WDR47: variants seen among roughly 807,000 people sequenced by gnomAD.
WDR47 encodes WD repeat domain 47.
In WDR47, 32 loss-of-function variants were observed where a neutral mutation model predicts 97.2. That is an observed-to-expected ratio of 0.33 (90% CI 0.25 to 0.44). The LOEUF (loss-of-function observed/expected upper bound fraction) is 0.44, where lower values mean the gene tolerates loss of function less well. Among genes scored for constraint, WDR47 ranks in the 20% least tolerant of loss-of-function variants. The probability of loss-of-function intolerance (pLI) is 1.00; values close to 1 mark genes in which losing one functional copy is unlikely to be tolerated. For synonymous variants in WDR47, 375 were observed against 373.5 expected (o/e 1.00, Z -0.05); for missense variants, 782 against 1,102.3 (o/e 0.71, Z 4.11).
intron 1 of WDR47, among the ~76,000 whole-genome samples, chr1:109,037,452 C>G (rs1363458818): frequency 6.6e-6 from 1 of 151,796 alleles, no homozygotes; most frequent in African/African-American, 2.4e-5. Context: ...CAGTGAAACC[C>G]TGTCTCTACT....
At chr1:109,027,319 G>C (rs1359525874) in intron 1 of WDR47, among the ~76,000 whole-genome samples, 1 of 151,694 alleles carries the variant, frequency 6.6e-6, no homozygotes, top group Non-Finnish European at 1.5e-5. Flanking sequence ...GCCTCCCAAA[G>C]TGCTGGGATT....
chr1:109,017,384 CAG>C (rs1256877612), intron 3 of WDR47, 132 bp downstream of exon 3: 5 of 727,112 alleles, frequency 6.9e-6, no homozygotes, highest in South Asian at 1.6e-5. Flanking sequence ...GCTTGGGTGA[CAG>C]AGAGAGATCA....
At chr1:109,010,736 C>T (rs1660980353) in intron 5 of WDR47, among the ~76,000 whole-genome samples, 180 bp downstream of exon 5, 1 of 152,010 alleles carries the variant, frequency 6.6e-6, no homozygotes, top group African/African-American at 2.4e-5. Flanking sequence ...GCACCTGCCA[C>T]CACGCCCAGC....
At chr1:108,986,114 G>A (rs1437987224) in intron 10 of WDR47, among the ~76,000 whole-genome samples, 1 of 152,102 alleles carries the variant, frequency 6.6e-6, no homozygotes, top group Non-Finnish European at 1.5e-5. Flanking sequence ...AAATAGGTGT[G>A]TATGAATAGG....
chr1:108,974,801 C>G, intron 13 of WDR47, 47 bp from the exon 14 acceptor site: 1 of 1,383,512 alleles, frequency 7.2e-7, no homozygotes, highest in Non-Finnish European at 1.0e-6. Context: ...TCAATATACC[C>G]AAATGGCAAC....
chr1:109,015,266 TAAC>T (rs751151265), intron 3 of WDR47, among the ~76,000 whole-genome samples: 8 of 152,216 alleles, frequency 5.3e-5, no homozygotes, highest in African/African-American at 9.6e-5. Context: ...TTTCTGCATA[TAAC>T]AACAATAAAT....
intron 8 of WDR47, among the ~76,000 whole-genome samples, 176 bp downstream of exon 8, chr1:108,995,402 TAA>T (rs1464942995): frequency 6.6e-6 from 1 of 152,012 alleles, no homozygotes; most frequent in Non-Finnish European, 1.5e-5. Context: ...ATGGAAACTA[TAA>T]AGAGACTTAG....
At position 109,011,685 on chromosome 1, in the gene WDR47, A is replaced by T. The variant is rs915161104; in HGVS notation, c.361T>A (p.Leu121Ile). Reference protein sequence around the residue: ...EFTMQEAVQCLHALEEYCPSK... With the variant: ...EFTMQEAVQCIHALEEYCPSK... The stretch of plus-strand genomic sequence containing the variant: ...GGACAGTATTCTTCTAGAGCATGTA[A>T]ACATTGCACAGCTTCTTGCATGGTA... Residue 121 changes from leucine to isoleucine, a missense_variant, in exon 5 of 15, where the codon TTA becomes ATA. Leu to Ile is a conservative substitution (Grantham distance 5, BLOSUM62 2). Transcript: ENST00000369962. 4 of 1,608,356 alleles carry T rather than the reference A, an allele frequency of 2.5e-6. No homozygotes were observed. Among genetic ancestry groups the T allele is most frequent in the Non-Finnish European group, 3.4e-6 (4 of 1,176,378 alleles).
At position 108,981,854 on chromosome 1, in the gene WDR47, T is replaced by C. The variant is rs776104971; in HGVS notation, c.2277A>G (p.Leu759=). The stretch of plus-strand genomic sequence containing the variant: ...TCCAGCCACTCCAGGTATAAAGTGC[T>C]AAAATATGCCCTATAAAAGATCATA... ...HALSGHTGHI[L]ALYTWSGWMI... Residue 759 remains leucine (L), a synonymous_variant, in exon 13 of 15, where the codon TTA becomes TTG. Coordinates refer to ENST00000369962, the MANE Select transcript of WDR47 (RefSeq NM_001142551.2). The C allele has an allele frequency of 3.7e-6, 6 of 1,612,746 alleles. No homozygotes were observed. Among genetic ancestry groups the C allele is most frequent in the Non-Finnish European group, 4.2e-6 (5 of 1,179,420 alleles).
Position 109,001,891 on chromosome 1 carries a change from C to CA in WDR47, c.1433+332dup, listed in dbSNP as rs34586480. Reference sequence around the variant, plus strand: ...GGGCGACAGAGTGAGAGCCTTGCCTCAAAAAAAAAAAAGCAGCAGATAAAG... The same window carrying CA: ...GGGCGACAGAGTGAGAGCCTTGCCTCAAAAAAAAAAAAAGCAGCAGATAAAG... On this transcript the variant is annotated intron_variant, in intron 7 of 14. Transcript: ENST00000369962. 8.1e-3 allele frequency among the ~76,000 whole-genome samples: 1,074 copies of CA among 132,550 alleles called. 5 individuals are homozygous for CA. Among genetic ancestry groups the CA allele is most frequent in the Middle Eastern group, 0.027 (7 of 262 alleles). The allele number at this position is 132,550 out of a possible 152,430, so 87.0% of individuals were successfully genotyped here.
intron 6 of WDR47, among the ~76,000 whole-genome samples, chr1:109,003,699 T>C (rs1660376738): frequency 2.6e-5 from 4 of 152,058 alleles, no homozygotes; most frequent in Admixed American, 2.6e-4. Context: ...GAGATGGGGT[T>C]TCACCATGTT....
chr1:109,041,082 A>G (rs1029775549), intron 1 of WDR47, among the ~76,000 whole-genome samples: 1 of 151,222 alleles, frequency 6.6e-6, no homozygotes, highest in Non-Finnish European at 1.5e-5. Flanking sequence ...AGAAGGAAAA[A>G]TCATCTGGTC....
In WDR47 at chr1:108,991,164, T is replaced by C. The variant is rs1659318416; in HGVS notation, c.1767+90A>G. 1.2e-5 allele frequency: 15 copies of C among 1,292,534 alleles called. No homozygotes were observed. The Middle Eastern group carries it at 5.7e-4, about 49-fold the overall frequency. The allele number at this position is 1,292,534 out of a possible 1,614,324, so 80.1% of individuals were successfully genotyped here. On this transcript the variant is annotated intron_variant, in intron 9 of 14. Coordinates refer to ENST00000369962, the MANE Select transcript of WDR47 (RefSeq NM_001142551.2). ...GGTACTGTACACCACCACGTCTGAC[T>C]AAAATGGTTCTTTCTTTGAATTGAA...
At chr1:108,989,976 T>C (rs1659191518) in intron 9 of WDR47, among the ~76,000 whole-genome samples, 1 of 152,050 alleles carries the variant, frequency 6.6e-6, no homozygotes, top group Non-Finnish European at 1.5e-5. Flanking sequence ...ATTACAGGAG[T>C]GAGCCACTGC....
At chr1:108,995,939 A>G in intron 7 of WDR47, 102 bp from the exon 8 acceptor site, 1 of 1,181,344 alleles carries the variant, frequency 8.5e-7, no homozygotes, top group Non-Finnish European at 1.2e-6. Flanking sequence ...TGCACATATA[A>G]TATATAATCT....
chr1:109,007,188 T>C (rs943011552), intron 5 of WDR47, among the ~76,000 whole-genome samples: 9 of 145,182 alleles, frequency 6.2e-5, no homozygotes, highest in African/African-American at 2.3e-4. Flanking sequence ...TGATCCACCA[T>C]GCCCAGCCTG....
Position 109,010,984 on chromosome 1 carries a change from T to C in WDR47, c.1062A>G (p.Gln354=), listed in dbSNP as rs769950340. The C allele has an allele frequency of 1.9e-6, 3 of 1,614,032 alleles. No homozygotes were observed. The highest frequency in any genetic ancestry group is 2.2e-5 in the South Asian group (2 of 91,090). ...CAAGCATGAGACTTCTACTGAGGTTTTGTACCCCTGGATAATGGAAGTTAG... is the reference window on the plus strand; with the variant it reads ...CAAGCATGAGACTTCTACTGAGGTTCTGTACCCCTGGATAATGGAAGTTAG... ...SFANFHYPGV[Q]NLSRSLMLEN... is the part of the protein sequence containing the mutation. Residue 354 remains glutamine, a synonymous_variant, in exon 5 of 15, where the codon CAA becomes CAG. Transcript: ENST00000369962.
At chr1:108,975,844 A>C (rs893406921) in intron 13 of WDR47, among the ~76,000 whole-genome samples, 6 of 152,176 alleles carry the variant, frequency 3.9e-5, no homozygotes, top group African/African-American at 1.4e-4. Context: ...TGTAATAAAG[A>C]ATAATCTTTT....
chr1:109,002,426 T>A (rs1400699932), intron 6 of WDR47, 24 bp from the exon 7 acceptor site: 4 of 1,523,416 alleles, frequency 2.6e-6, no homozygotes, highest in Non-Finnish European at 3.5e-6. Context: ...GAAAAAAACA[T>A]ATATATTTGA....
Sources: allele counts gnomAD v4.1 joint callset (sites outside exome capture counted in the v4.1 genomes callset), GRCh38; gene constraint gnomAD v4.1.1; transcripts MANE v1.5; gene names NCBI Gene and HGNC (gene_info 2026-07-23, HGNC 2026-07-21).